Variants in EPHA7 observed in about 807,000 individuals in gnomAD.
EPHA7 encodes ephrin type-A receptor 7.
EPHA7 carries 25 observed loss-of-function variants against 112.6 expected under a neutral mutation model. That is an observed-to-expected ratio of 0.22 (90% CI 0.16 to 0.31). The LOEUF is 0.31. Ranked by LOEUF, EPHA7 falls within the 10% of genes least tolerant of loss-of-function variation. EPHA7 has a pLI of 1.00. For missense variants in EPHA7, 962 were observed against 1,212.6 expected (o/e 0.79, Z 3.07); for synonymous variants, 437 against 406.5 (o/e 1.07, Z -0.90).
At position 93,410,958 on chromosome 6, in the gene EPHA7, C is replaced by T; in HGVS notation, c.375G>A (p.Leu125=). ...VLGTCKETFN[L]YYYETDYDTG... is the part of the protein sequence containing the mutation. ...TGTCATAGTCTGTTTCATAATAGTA[C>T]AAATTAAATGTTTCCTTGCAAGTTC... The change falls in exon 3 of 17, where the codon TTG becomes TTA. Residue 125 remains leucine (L), a synonymous_variant. Transcript: ENST00000369303. The surrounding 1 kb of genome is among the most constrained non-coding windows in gnomAD (Gnocchi z 4.0). 1.2e-6 allele frequency: 2 copies of T among 1,614,000 alleles called. No homozygotes were observed. Among genetic ancestry groups the T allele is most frequent in the Non-Finnish European group, 1.7e-6 (2 of 1,179,978 alleles).
chr6:93,311,112 C>CAATTTT (rs1773512474), intron 5 of EPHA7, among the ~76,000 whole-genome samples: 1 of 71,030 alleles, frequency 1.4e-5, no homozygotes, highest in African/African-American at 6.7e-5. Flanking sequence ...TCATGCCCAG[C>CAATTTT]TATTTTTTTT....
intron 10 of EPHA7, 47 bp from the exon 11 acceptor site, chr6:93,258,331 A>G (rs188651221): frequency 3.4e-6 from 5 of 1,483,068 alleles, no homozygotes; most frequent in Non-Finnish European, 3.6e-6. Context: ...TAAATATTGT[A>G]ATTTTCTTTT....
intron 3 of EPHA7, among the ~76,000 whole-genome samples, chr6:93,397,311 T>A (rs991111879): frequency 6.6e-6 from 1 of 151,860 alleles, no homozygotes; most frequent in Non-Finnish European, 1.5e-5. Context: ...GAAAAGTAAT[T>A]ATCAATTTTT....
At chr6:93,245,542 A>G in intron 15 of EPHA7, 89 bp from the exon 16 acceptor site, 1 of 1,327,780 alleles carries the variant, frequency 7.5e-7, no homozygotes, top group Non-Finnish European at 1.0e-6. Flanking sequence ...GGTATAAAGA[A>G]CAAAATTAGA....
At chr6:93,264,058 C>A in intron 8 of EPHA7, 143 bp from the exon 9 acceptor site, 2 of 481,304 alleles carry the variant, frequency 4.2e-6, no homozygotes, top group Non-Finnish European at 3.5e-6. Flanking sequence ...AATAATATAG[C>A]GATTCACGAT....
Position 93,380,890 on chromosome 6 carries a change from G to A in EPHA7, c.833-22479C>T, listed in dbSNP as rs907399331. Reference sequence around the variant, plus strand: ...TTTTCACTTATTCATGAATGTATTGGCAAGTACCTCTGCATCACTCATAAA... The same window carrying A: ...TTTTCACTTATTCATGAATGTATTGACAAGTACCTCTGCATCACTCATAAA... On this transcript the variant is annotated intron_variant, in intron 3 of 16. Transcript: ENST00000369303. 2.6e-5 allele frequency among the ~76,000 whole-genome samples: 4 copies of A among 152,000 alleles called. No homozygotes were observed. The East Asian group carries it at 7.7e-4, about 29-fold the overall frequency.
intron 5 of EPHA7, 70 bp downstream of exon 5, chr6:93,356,647 A>C: frequency 1.2e-5 from 17 of 1,364,340 alleles, no homozygotes; most frequent in Non-Finnish European, 1.7e-5. Context: ...AACTAACTAA[A>C]TGTTCAAGTA....
At chr6:93,364,329 C>T (rs1475218772) in intron 3 of EPHA7, among the ~76,000 whole-genome samples, 1 of 151,904 alleles carries the variant, frequency 6.6e-6, no homozygotes, top group East Asian at 1.9e-4. Flanking sequence ...TTTGAGACCA[C>T]CCTGGCCAAC....
chr6:93,253,417 A>C (rs419641), intron 14 of EPHA7, among the ~76,000 whole-genome samples: 98,214 of 151,832 alleles, frequency 0.65, 32,827 homozygotes, highest in South Asian at 0.83. Context: ...ATTTGTAGGG[A>C]AAGTATCAAA....
At chr6:93,245,522 A>G in intron 15 of EPHA7, 69 bp from the exon 16 acceptor site, 1 of 1,514,494 alleles carries the variant, frequency 6.6e-7, no homozygotes, top group Non-Finnish European at 8.9e-7. Context: ...TTTGGCCCAT[A>G]TAAAATTAAG....
chr6:93,401,405 T>C (rs917262706), intron 3 of EPHA7, among the ~76,000 whole-genome samples: 1 of 152,128 alleles, frequency 6.6e-6, no homozygotes, highest in Non-Finnish European at 1.5e-5. Context: ...AAAAATAATG[T>C]ACATTTGTTT....
intron 14 of EPHA7, 123 bp downstream of exon 14, chr6:93,254,524 T>G: frequency 1.6e-6 from 1 of 628,896 alleles, no homozygotes; most frequent in African/African-American, 1.9e-5. Flanking sequence ...TGGTAGTAAT[T>G]GTGGAAAACT....
chr6:93,261,301 G>C (rs757956990), intron 9 of EPHA7, among the ~76,000 whole-genome samples: 6 of 151,478 alleles, frequency 4.0e-5, no homozygotes, highest in Non-Finnish European at 8.9e-5. Context: ...TGCTCTAAAA[G>C]CTAGTTAAAT....
rs146357074 is a variant in EPHA7 at position 93,340,216 on chromosome 6, A to G, written c.1324+16501T>C. On this transcript the variant is annotated intron_variant, in intron 5 of 16. Transcript: ENST00000369303. ...TCTGAGTGTGTATGTATACGTGTGTATATGTGTATGTGCATACATAAACTT... is the reference window on the plus strand; with the variant it reads ...TCTGAGTGTGTATGTATACGTGTGTGTATGTGTATGTGCATACATAAACTT... Among the ~76,000 whole-genome samples, 503 of 151,954 alleles carry G rather than the reference A, an allele frequency of 3.3e-3. 2 individuals carry two copies. The highest frequency in any genetic ancestry group is 0.012 in the African/African-American group (485 of 41,530).
intron 5 of EPHA7, among the ~76,000 whole-genome samples, chr6:93,350,689 A>G (rs1409517563): frequency 6.6e-6 from 1 of 151,986 alleles, no homozygotes; most frequent in Non-Finnish European, 1.5e-5. Flanking sequence ...AAGCTTTCTT[A>G]TATTTTCAGA....
chr6:93,370,199 A>T (rs1776719586), intron 3 of EPHA7, among the ~76,000 whole-genome samples: 1 of 152,192 alleles, frequency 6.6e-6, no homozygotes, highest in African/African-American at 2.4e-5. Flanking sequence ...GAGAAGGAAA[A>T]CAACTAAGCT....
chr6:93,278,975 C>G (rs1771601249), intron 5 of EPHA7, among the ~76,000 whole-genome samples: 1 of 151,956 alleles, frequency 6.6e-6, no homozygotes, highest in Non-Finnish European at 1.5e-5. Flanking sequence ...ATATAAGGAT[C>G]AAAAGACCCA....
chr6:93,357,100 A>G, intron 4 of EPHA7, 48 bp from the exon 5 acceptor site: 2 of 1,415,804 alleles, frequency 1.4e-6, no homozygotes, highest in Non-Finnish European at 1.9e-6. Context: ...ATAGAAAAAA[A>G]AACATACAAA....
chr6:93,298,402 C>T (rs1772787537), intron 5 of EPHA7, among the ~76,000 whole-genome samples: 3 of 151,814 alleles, frequency 2.0e-5, no homozygotes, highest in South Asian at 4.2e-4. Context: ...CATATCAGAG[C>T]CATAAACCAT....
Sources: allele counts gnomAD v4.1 joint callset (sites outside exome capture counted in the v4.1 genomes callset), GRCh38; gene constraint gnomAD v4.1.1; non-coding constraint Gnocchi (gnomAD v3.1); transcripts MANE v1.5; gene names NCBI Gene and HGNC (gene_info 2026-07-23, HGNC 2026-07-21).